The following FAM135A variants were observed in gnomAD, a reference collection of about 807,000 sequenced individuals.
FAM135A encodes protein FAM135A.
Under a neutral mutation model 146.8 loss-of-function variants are expected in FAM135A, and 79 were observed. The ratio of observed to expected loss-of-function variants is 0.54; its 90% CI spans 0.45 to 0.65. The LOEUF is 0.65. FAM135A is among the 30% of genes least tolerant of loss of function. The pLI, the probability that FAM135A is intolerant of heterozygous loss-of-function variation, is 0.00. For synonymous variants in FAM135A, 562 were observed against 603.6 expected, an observed-to-expected ratio of 0.93 and a Z score of 1.01; for missense variants, 1,623 against 1,758.2, an observed-to-expected ratio of 0.92 and a Z score of 1.38.
At chr6:70,518,012 A>G (rs1247860294) in intron 12 of FAM135A, among the ~76,000 whole-genome samples, 1 of 152,200 alleles carries the variant, frequency 6.6e-6, no homozygotes. Flanking sequence ...CTCAATTTAA[A>G]TCAGAAGCTC....
intron 12 of FAM135A, chr6:70,513,369 T>C (rs1791469818): frequency 5.3e-5 from 8 of 150,358 alleles, no homozygotes; most frequent in Admixed American, 4.6e-4. Flanking sequence ...CCACAGAAAA[T>C]TTTAAATCAT....
In FAM135A at chr6:70,525,178, C is replaced by T; in HGVS notation, c.2094C>T (p.Ser698=). Residue 698 remains serine, a synonymous_variant, in exon 15 of 22, where the codon TCC becomes TCT. Coordinates refer to ENST00000418814, the MANE Select transcript of FAM135A (RefSeq NM_001162529.3). ...ATAATTTACTACCCAACTTTGAGTCCTTAGAATCTAATGGTAAATCTAAAT... is the reference window on the plus strand; with the variant it reads ...ATAATTTACTACCCAACTTTGAGTCTTTAGAATCTAATGGTAAATCTAAAT... ...LVDNLLPNFE[S]LESNGKSKSI... 1.3e-6 allele frequency: 2 copies of T among 1,592,336 alleles called. No homozygotes were observed. Among genetic ancestry groups the T allele is most frequent in the Non-Finnish European group, 1.7e-6 (2 of 1,172,540 alleles).
At chr6:70,555,703 A>G (rs990428564) in intron 20 of FAM135A, among the ~76,000 whole-genome samples, 5 of 152,056 alleles carry the variant, frequency 3.3e-5, no homozygotes, top group Non-Finnish European at 4.4e-5. Context: ...TTAGTGTTAA[A>G]TTGTGTCACG....
chr6:70,433,077 C>A (rs887709821), intron 4 of FAM135A, among the ~76,000 whole-genome samples: 1 of 139,254 alleles, frequency 7.2e-6, no homozygotes, highest in Non-Finnish European at 1.6e-5. Context: ...AATCAAGATA[C>A]TTTTTTTTTT....
intron 5 of FAM135A, among the ~76,000 whole-genome samples, chr6:70,468,315 T>C (rs941109711): frequency 2.6e-5 from 4 of 152,244 alleles, no homozygotes; most frequent in Non-Finnish European, 4.4e-5. Flanking sequence ...TGTCTCTGTC[T>C]AGAACATACA....
chr6:70,556,955 C>T lies in FAM135A; in HGVS notation c.4342+92C>T, dbSNP rs762996783. The T allele has an allele frequency of 9.5e-6, 8 of 843,126 alleles. No homozygotes were observed. In the East Asian group the frequency reaches 2.1e-4, roughly 22 times the overall value. 52.2% of individuals were successfully genotyped at this position (843,126 alleles called of 1,614,324 possible). ...AGTCACTTTCTCTCGTATCTGTCAC[C>T]CTTCTCTTTCCTGTTACTTCCTTTC... On this transcript the variant is annotated intron_variant, in intron 21 of 21. Coordinates refer to ENST00000418814, the MANE Select transcript of FAM135A (RefSeq NM_001162529.3).
At chr6:70,520,454 C>T (rs984757621) in intron 12 of FAM135A, among the ~76,000 whole-genome samples, 2 of 151,990 alleles carry the variant, frequency 1.3e-5, no homozygotes, top group Non-Finnish European at 2.9e-5. Flanking sequence ...AATATAAATA[C>T]TGTGTTAGCA....
intron 4 of FAM135A, among the ~76,000 whole-genome samples, chr6:70,438,813 C>G (rs1392244821): frequency 3.3e-5 from 5 of 152,142 alleles, no homozygotes; most frequent in Admixed American, 3.3e-4. Context: ...AGTTTTGCTG[C>G]TACACCTCAA....
intron 5 of FAM135A, among the ~76,000 whole-genome samples, chr6:70,463,665 TAAA>T (rs894601104): frequency 6.6e-6 from 1 of 151,446 alleles, no homozygotes; most frequent in Non-Finnish European, 1.5e-5. Context: ...AACAGTGCTT[TAAA>T]AAAAAATGAG....
chr6:70,520,757 C>T (rs1177655689), intron 12 of FAM135A, among the ~76,000 whole-genome samples: 1 of 152,094 alleles, frequency 6.6e-6, no homozygotes, highest in Non-Finnish European at 1.5e-5. Context: ...TGAAAATTAG[C>T]TGTATTGCCA....
At position 70,538,372 on chromosome 6, in the gene FAM135A, CT is replaced by C; in HGVS notation, c.4205del (p.Leu1402TyrfsTer18). Reference protein sequence around the residue: ...TCRDHSDPRQTFLYKLSNKAG... With the variant: ...TCRDHSDPRQXFLYKLSNKAG... ...CGAGATCACTCAGACCCTCGCCAAACTTTTTTATATAAGCTTAGTAACAAAG... is the reference window on the plus strand; with the variant it reads ...CGAGATCACTCAGACCCTCGCCAAACTTTTTATATAAGCTTAGTAACAAAG... On this transcript the variant is annotated frameshift_variant, in exon 20 of 22. Coordinates refer to ENST00000418814, the MANE Select transcript of FAM135A (RefSeq NM_001162529.3). LOFTEE classifies it high-confidence loss of function. 6 of 1,507,464 alleles carry C rather than the reference CT, an allele frequency of 4.0e-6. No homozygotes were observed. The highest frequency in any genetic ancestry group is 2.8e-5 in the South Asian group (2 of 72,110). 93.4% of individuals were successfully genotyped at this position (1,507,464 alleles called of 1,614,324 possible). A position where few individuals can be genotyped will look rare whatever the true frequency, so the allele number is the denominator to read the frequency against.
chr6:70,465,182 T>A (rs145305804), intron 5 of FAM135A, among the ~76,000 whole-genome samples: 8 of 151,558 alleles, frequency 5.3e-5, no homozygotes, highest in African/African-American at 1.9e-4. Flanking sequence ...CCTTAAGGTT[T>A]TTCCATGTTG....
chr6:70,507,239 T>C (rs2128278319), intron 12 of FAM135A, among the ~76,000 whole-genome samples: 1 of 152,282 alleles, frequency 6.6e-6, no homozygotes, highest in South Asian at 2.1e-4. Flanking sequence ...CCCTGCAGTG[T>C]ATCACAAAAA....
chr6:70,422,848 T>C (rs1330022505), intron 2 of FAM135A, among the ~76,000 whole-genome samples: 1 of 152,198 alleles, frequency 6.6e-6, no homozygotes, highest in Non-Finnish European at 1.5e-5. Context: ...GTGAACAAAG[T>C]AGTCAGAATG....
At chr6:70,500,308 C>G (rs1287234922) in intron 11 of FAM135A, among the ~76,000 whole-genome samples, 2 of 152,130 alleles carry the variant, frequency 1.3e-5, no homozygotes, top group Non-Finnish European at 2.9e-5. Flanking sequence ...ATGAAGTTCT[C>G]GTGTTGTTTT....
At chr6:70,488,488 A>C (rs1232482671) in intron 10 of FAM135A, among the ~76,000 whole-genome samples, 3 of 141,974 alleles carry the variant, frequency 2.1e-5, no homozygotes, top group Admixed American at 1.4e-4. Flanking sequence ...GAAATATATG[A>C]TAATCATCAC....
In FAM135A at chr6:70,475,358, C is replaced by A. The variant is rs1782420444; in HGVS notation, c.158-52C>A. 7.8e-6 allele frequency: 11 copies of A among 1,404,284 alleles called. No individual in the cohort carries two copies. The South Asian group carries it at 1.1e-4, about 14-fold the overall frequency. 87.0% of individuals were successfully genotyped at this position (1,404,284 alleles called of 1,614,324 possible). A position where few individuals can be genotyped will look rare whatever the true frequency, so the allele number is the denominator to read the frequency against. ...ATTTTAAAGTACAAGTGTTAATTTG[C>A]TTGTGTTATATTTTACTTTTATCTG... On this transcript the variant is annotated intron_variant, in intron 5 of 21. Coordinates refer to ENST00000418814, the MANE Select transcript of FAM135A (RefSeq NM_001162529.3).
chr6:70,525,519 A>G lies in FAM135A; in HGVS notation c.2435A>G (p.Asp812Gly). Residue 812 changes from aspartate (D) to glycine (G), a missense_variant, in exon 15 of 22, where the codon GAT becomes GGT. Asp to Gly is a moderately conservative substitution (Grantham distance 94). Coordinates refer to ENST00000418814, the MANE Select transcript of FAM135A (RefSeq NM_001162529.3). ...TTTCCTCAGCTTTTGATGAAACCTGATTATAATGTAAAATTTTCATTAGGA... is the reference window on the plus strand; with the variant it reads ...TTTCCTCAGCTTTTGATGAAACCTGGTTATAATGTAAAATTTTCATTAGGA... Reference protein sequence around the residue: ...RLFPQLLMKPDYNVKFSLGNH... With the variant: ...RLFPQLLMKPGYNVKFSLGNH... 6.2e-7 allele frequency: 1 copy of G among 1,612,592 alleles called. No homozygotes were observed. The highest frequency in any genetic ancestry group is 8.5e-7 in the Non-Finnish European group (1 of 1,179,422).
rs543030866 is a variant in FAM135A at position 70,466,956 on chromosome 6, G to A, written c.158-8454G>A. Among the ~76,000 whole-genome samples, 381 of 152,230 alleles carry A rather than the reference G, an allele frequency of 2.5e-3. 18 individuals are homozygous for A. In the South Asian group the frequency reaches 0.076, roughly 31 times the overall value. ...TAGCTAAGGAAGAGGATCTGTTTGG[G>A]ATCTTCCTTCACCATCTTCCTAGGC... On this transcript the variant is annotated intron_variant, in intron 5 of 21. Coordinates refer to ENST00000418814, the MANE Select transcript of FAM135A (RefSeq NM_001162529.3).
Sources: allele counts gnomAD v4.1 joint callset (sites outside exome capture counted in the v4.1 genomes callset), GRCh38; gene constraint gnomAD v4.1.1; transcripts MANE v1.5; gene names NCBI Gene and HGNC (gene_info 2026-07-23, HGNC 2026-07-21).